Variants in PRELP observed in about 807,000 individuals in gnomAD.
The protein encoded by PRELP is proline and arginine rich end leucine rich repeat protein.
In PRELP, 16 loss-of-function variants were observed where a neutral mutation model predicts 22.8. The ratio of observed to expected loss-of-function variants is 0.70; its 90% CI spans 0.47 to 1.06. The LOEUF (loss-of-function observed/expected upper bound fraction) is 1.06, where lower values mean the gene tolerates loss of function less well. PRELP is among the 50% of genes least tolerant of loss of function. The pLI, the probability that PRELP is intolerant of heterozygous loss-of-function variation, is 0.00. For synonymous variants in PRELP, 233 were observed against 211.4 expected, an observed-to-expected ratio of 1.10 and a Z score of -0.89; for missense variants, 434 against 485.2, an observed-to-expected ratio of 0.89 and a Z score of 0.99.
In PRELP at chr1:203,490,848, G is replaced by A. The variant is rs1390174061; in HGVS notation, c.*3967G>A. The A allele has an allele frequency of 6.6e-6, 1 of 152,222 alleles. No homozygotes were observed. Among genetic ancestry groups the A allele is most frequent in the Non-Finnish European group, 1.5e-5 (1 of 68,048 alleles). The allele number at this position is 152,222 out of a possible 1,614,324, so 9.4% of individuals were successfully genotyped here. A position where few individuals can be genotyped will look rare whatever the true frequency, so the allele number is the denominator to read the frequency against. ...TTCAGTGGATATCGGTCACATGCCA[G>A]GTCCCCAGCTACGCATTCAAGGATG... On this transcript the variant is annotated 3_prime_UTR_variant, in exon 3 of 3. Coordinates refer to ENST00000343110, the MANE Select transcript of PRELP (RefSeq NM_002725.4).
chr1:203,483,424 C>A lies in PRELP; in HGVS notation c.240C>A (p.Pro80=), dbSNP rs1391891536. The change falls in exon 2 of 3, where the codon CCC becomes CCA. Residue 80 remains proline (P), a synonymous_variant. Transcript: ENST00000343110. This position sits in a 1 kb window ranked among gnomAD's most constrained non-coding sequence, Gnocchi z 4.4. ...ACTGTCCCCGCGAATGCTACTGCCCCCCTGATTTCCCATCTGCCCTCTACT... is the reference window on the plus strand; with the variant it reads ...ACTGTCCCCGCGAATGCTACTGCCCACCTGATTTCCCATCTGCCCTCTACT... The part of the protein sequence containing the change: ...FPDCPRECYC[P]PDFPSALYCD... 6.2e-7 allele frequency: 1 copy of A among 1,614,046 alleles called. No homozygotes were observed. The highest frequency in any genetic ancestry group is 8.5e-7 in the Non-Finnish European group (1 of 1,180,022).
rs1661158350 is a variant in PRELP, at chr1:203,489,704, C to G, written c.*2823C>G. ...AGGCGTGGTGGATCACGCCTGTAATCCCAGCACTCTGGGAGGCCAAAGCGG... is the reference window on the plus strand; with the variant it reads ...AGGCGTGGTGGATCACGCCTGTAATGCCAGCACTCTGGGAGGCCAAAGCGG... On this transcript the variant is annotated 3_prime_UTR_variant, in exon 3 of 3. Transcript: ENST00000343110. 6.6e-6 allele frequency: 1 copy of G among 152,288 alleles called. No homozygotes were observed. Among genetic ancestry groups the G allele is most frequent in the African/African-American group, 2.4e-5 (1 of 41,460 alleles). The allele number at this position is 152,288 out of a possible 1,614,324, so 9.4% of individuals were successfully genotyped here.
intron 1 of PRELP, among the ~76,000 whole-genome samples, chr1:203,478,754 C>T (rs1660951530): frequency 6.6e-6 from 1 of 152,130 alleles, no homozygotes; most frequent in Non-Finnish European, 1.5e-5. Flanking sequence ...GCAAGCTCAT[C>T]CTTGTATCGT....
In PRELP at chr1:203,486,713, C is replaced by T. The variant is rs1352494079; in HGVS notation, c.981C>T (p.Asn327=). 1.2e-6 allele frequency: 2 copies of T among 1,609,384 alleles called. No individual in the cohort carries two copies. The highest frequency in any genetic ancestry group is 1.7e-6 in the Non-Finnish European group (2 of 1,176,074). Residue 327 remains asparagine (N), a synonymous_variant, in exon 3 of 3, where the codon AAC becomes AAT. Coordinates refer to ENST00000343110, the MANE Select transcript of PRELP (RefSeq NM_002725.4). The part of the protein sequence containing the change: ...YLNNNSIEKI[N]GTQICPNDLV... ...CGTCTTCTTTTTCCGTAGAAATCAA[C>T]GGAACCCAGATTTGCCCCAACGACC... is the stretch of plus-strand genomic sequence containing the variant.
Position 203,483,802 on chromosome 1 carries a change from G to T in PRELP, c.618G>T (p.Arg206Ser). Reference protein sequence around the residue: ...NLLLLDLQHNRLSDGVFKPDT... With the variant: ...NLLLLDLQHNSLSDGVFKPDT... ...TGCTCCTGGATCTCCAGCACAACAG[G>T]CTGAGCGACGGCGTCTTCAAGCCCG... The change falls in exon 2 of 3, where the codon AGG becomes AGT. Residue 206 changes from arginine (R) to serine (S), a missense_variant. Coordinates refer to ENST00000343110, the MANE Select transcript of PRELP (RefSeq NM_002725.4). This position sits in a 1 kb window ranked among gnomAD's most constrained non-coding sequence, Gnocchi z 4.4. 1 of 1,614,160 alleles carries T rather than the reference G, an allele frequency of 6.2e-7. No individual in the cohort carries two copies. The highest frequency in any genetic ancestry group is 8.5e-7 in the Non-Finnish European group (1 of 1,180,028).
chr1:203,480,715 C>T (rs1660984818), intron 1 of PRELP, among the ~76,000 whole-genome samples: 1 of 152,236 alleles, frequency 6.6e-6, no homozygotes, highest in African/African-American at 2.4e-5. Flanking sequence ...GGGAGGAGAG[C>T]AGGCTCAGCT....
In PRELP at chr1:203,475,886, G is replaced by C. The variant is rs1660905193; in HGVS notation, c.-69G>C. On this transcript the variant is annotated 5_prime_UTR_variant, in exon 1 of 3. Transcript: ENST00000343110. ...TGCCACAGCTCCGCCGAAGGGAGGGGGTGGAAGAGGAGGACTAAACTCAGA... is the reference window on the plus strand; with the variant it reads ...TGCCACAGCTCCGCCGAAGGGAGGGCGTGGAAGAGGAGGACTAAACTCAGA... The C allele has an allele frequency of 6.5e-6, 1 of 153,138 alleles. No homozygotes were observed. Among genetic ancestry groups the C allele is most frequent in the Non-Finnish European group, 1.5e-5 (1 of 68,476 alleles). 9.5% of individuals were successfully genotyped at this position (153,138 alleles called of 1,614,324 possible).
In PRELP at chr1:203,490,973, T is replaced by C. The variant is rs369749165; in HGVS notation, c.*4092T>C. 2.6e-5 allele frequency: 4 copies of C among 152,596 alleles called. No individual in the cohort carries two copies. Among genetic ancestry groups the C allele is most frequent in the African/African-American group, 4.8e-5 (2 of 41,590 alleles). The allele number at this position is 152,596 out of a possible 1,614,324, so 9.5% of individuals were successfully genotyped here. Reference sequence around the variant, plus strand: ...TCTGTGTCCTAAGTGTTTGTAATAATGCTGTGTGTCAGGCCTCTGAGCCCA... The same window carrying C: ...TCTGTGTCCTAAGTGTTTGTAATAACGCTGTGTGTCAGGCCTCTGAGCCCA... On this transcript the variant is annotated 3_prime_UTR_variant, in exon 3 of 3. Transcript: ENST00000343110.
rs1319188389 is a variant in PRELP, at chr1:203,488,266, A to T, written c.*1385A>T. On this transcript the variant is annotated 3_prime_UTR_variant, in exon 3 of 3. Coordinates refer to ENST00000343110, the MANE Select transcript of PRELP (RefSeq NM_002725.4). ...CGCGGTGGCTCACGCCTGTAATCCCAGCACTTTGGGAGGCCGAGGCGGGCA... is the reference window on the plus strand; with the variant it reads ...CGCGGTGGCTCACGCCTGTAATCCCTGCACTTTGGGAGGCCGAGGCGGGCA... 6.6e-6 allele frequency: 1 copy of T among 152,452 alleles called. No individual in the cohort carries two copies. Among genetic ancestry groups the T allele is most frequent in the African/African-American group, 2.4e-5 (1 of 41,468 alleles). The allele number at this position is 152,452 out of a possible 1,614,324, so 9.4% of individuals were successfully genotyped here.
intron 2 of PRELP, 141 bp from the exon 3 acceptor site, chr1:203,486,565 C>G: frequency 1.4e-6 from 1 of 736,318 alleles, no homozygotes; most frequent in South Asian, 2.1e-5. Context: ...GGCAGCTCAT[C>G]TATGATCACA....
At chr1:203,485,084 C>G (rs1388099462) in intron 2 of PRELP, among the ~76,000 whole-genome samples, 1 of 151,386 alleles carries the variant, frequency 6.6e-6, no homozygotes, top group Non-Finnish European at 1.5e-5. Flanking sequence ...GGTGTCTCTA[C>G]CGACACCAAC....
At position 203,489,685 on chromosome 1, in the gene PRELP, G is replaced by A. The variant is rs1661158010; in HGVS notation, c.*2804G>A. On this transcript the variant is annotated 3_prime_UTR_variant, in exon 3 of 3. Coordinates refer to ENST00000343110, the MANE Select transcript of PRELP (RefSeq NM_002725.4). ...CAAAGTCATCTTGCCAGCCAGGCGT[G>A]GTGGATCACGCCTGTAATCCCAGCA... 1 of 151,832 alleles carries A rather than the reference G, an allele frequency of 6.6e-6. No individual in the cohort carries two copies. The highest frequency in any genetic ancestry group is 6.6e-5 in the Admixed American group (1 of 15,266). 9.4% of individuals were successfully genotyped at this position (151,832 alleles called of 1,614,324 possible). A position where few individuals can be genotyped will look rare whatever the true frequency, so the allele number is the denominator to read the frequency against.
chr1:203,476,180 C>G (rs1459365224), intron 1 of PRELP, among the ~76,000 whole-genome samples: 1 of 152,204 alleles, frequency 6.6e-6, no homozygotes, highest in Non-Finnish European at 1.5e-5. Flanking sequence ...AGCTTTCCTG[C>G]TGCAGATGTT....
chr1:203,476,289 G>T (rs1660910045), intron 1 of PRELP, among the ~76,000 whole-genome samples: 1 of 152,154 alleles, frequency 6.6e-6, no homozygotes, highest in South Asian at 2.1e-4. Flanking sequence ...CACCTTTTGT[G>T]TATTGTCACA....
At position 203,486,839 on chromosome 1, in the gene PRELP, C is replaced by T; in HGVS notation, c.1107C>T (p.Asp369=). ...ACTTGAAGCCGCCCATCCCGCTGGACCTCATGATGTGCTTCCGCCTCCTGC... is the reference window on the plus strand; with the variant it reads ...ACTTGAAGCCGCCCATCCCGCTGGATCTCATGATGTGCTTCCGCCTCCTGC... ...GNYLKPPIPL[D]LMMCFRLLQS... is the part of the protein sequence containing the mutation. Residue 369 remains aspartate, a synonymous_variant, in exon 3 of 3, where the codon GAC becomes GAT. Coordinates refer to ENST00000343110, the MANE Select transcript of PRELP (RefSeq NM_002725.4). 1.2e-6 allele frequency: 2 copies of T among 1,614,214 alleles called. No individual in the cohort carries two copies. The highest frequency in any genetic ancestry group is 1.7e-6 in the Non-Finnish European group (2 of 1,180,032).
At chr1:203,478,077 T>C (rs936157448) in intron 1 of PRELP, among the ~76,000 whole-genome samples, 38 of 152,188 alleles carry the variant, frequency 2.5e-4, no homozygotes, top group African/African-American at 9.2e-4. Flanking sequence ...TTTGAAATAA[T>C]ATCAACAAGA....
In PRELP at chr1:203,483,584, G is replaced by C; in HGVS notation, c.400G>C (p.Asp134His). 1 of 1,614,218 alleles carries C rather than the reference G, an allele frequency of 6.2e-7. No homozygotes were observed. Reference sequence around the variant, plus strand: ...CACAGGCCTGCGATGGATTAACCTGGACAACAACCGAATCCGCAAGATAGA... The same window carrying C: ...CACAGGCCTGCGATGGATTAACCTGCACAACAACCGAATCCGCAAGATAGA... ...NATGLRWINL[D>H]NNRIRKIDQR... The change falls in exon 2 of 3, where the codon GAC becomes CAC. Residue 134 changes from aspartate (D) to histidine (H), a missense_variant. Coordinates refer to ENST00000343110, the MANE Select transcript of PRELP (RefSeq NM_002725.4). The surrounding 1 kb of genome is among the most constrained non-coding windows in gnomAD (Gnocchi z 4.4).
Position 203,483,233 on chromosome 1 carries a change from G to C in PRELP, c.49G>C (p.Val17Leu). 6.3e-7 allele frequency: 1 copy of C among 1,580,354 alleles called. No homozygotes were observed. Among genetic ancestry groups the C allele is most frequent in the Non-Finnish European group, 8.6e-7 (1 of 1,167,034 alleles). Residue 17 changes from valine (V) to leucine (L), a missense_variant, in exon 2 of 3, where the codon GTG becomes CTG. Val to Leu is a conservative substitution (Grantham distance 32). Transcript: ENST00000343110. This position sits in a 1 kb window ranked among gnomAD's most constrained non-coding sequence, Gnocchi z 4.4. ...CCTCCCACTTCTCATCTTGGCCTCA[G>C]TGGCCCAAGGCCAGCCAACAAGACG... ...WLLPLLILAS[V>L]AQGQPTRRPR...
chr1:203,485,474 T>C (rs576252424), intron 2 of PRELP, among the ~76,000 whole-genome samples: 7 of 152,278 alleles, frequency 4.6e-5, no homozygotes, highest in South Asian at 2.1e-4. Flanking sequence ...AGTGGGGTGA[T>C]TACGTTCTTC....
Sources: allele counts gnomAD v4.1 joint callset (sites outside exome capture counted in the v4.1 genomes callset), GRCh38; gene constraint gnomAD v4.1.1; non-coding constraint Gnocchi (gnomAD v3.1); transcripts MANE v1.5; gene names NCBI Gene and HGNC (gene_info 2026-07-23, HGNC 2026-07-21).